Variants in C5orf34 observed in about 807,000 individuals in gnomAD.
The protein encoded by C5orf34 is uncharacterized protein C5orf34.
Under a neutral mutation model 78.4 loss-of-function variants are expected in C5orf34, and 73 were observed. The ratio of observed to expected loss-of-function variants is 0.93; its 90% confidence interval spans 0.77 to 1.13. The LOEUF is 1.13. C5orf34 is among the 50% of genes most tolerant of loss of function. The pLI, the probability that C5orf34 is intolerant of heterozygous loss-of-function variation, is 0.00. For missense variants in C5orf34, 730 were observed against 732.7 expected, an observed-to-expected ratio of 1.00 and a Z score of 0.04; for synonymous variants, 251 against 246.6, an observed-to-expected ratio of 1.02 and a Z score of -0.17.
intron 4 of C5orf34, among the ~76,000 whole-genome samples, chr5:43,504,225 T>G (rs1745884227): frequency 6.6e-6 from 1 of 151,142 alleles, no homozygotes; most frequent in African/African-American, 2.4e-5. Flanking sequence ...AAGAATCGCT[T>G]GAACCCGGGA....
chr5:43,508,943 A>C (rs928551318), intron 2 of C5orf34, among the ~76,000 whole-genome samples: 2 of 152,144 alleles, frequency 1.3e-5, no homozygotes, highest in African/African-American at 2.4e-5. Flanking sequence ...AAAATTTAAA[A>C]ATTAGCCAGA....
At position 43,509,130 on chromosome 5, in the gene C5orf34, G is replaced by A; in HGVS notation, c.195+15C>T. ...TAAAAAACAAAAAAGTTGTTTACGTGATATCTTTACTTACTCTGTAAGTGC... is the reference window on the plus strand; with the variant it reads ...TAAAAAACAAAAAAGTTGTTTACGTAATATCTTTACTTACTCTGTAAGTGC... On this transcript the variant is annotated intron_variant, in intron 2 of 12. Transcript: ENST00000306862. The A allele has an allele frequency of 1.9e-6, 3 of 1,601,492 alleles. No homozygotes were observed. Among genetic ancestry groups the A allele is most frequent in the Non-Finnish European group, 2.6e-6 (3 of 1,174,182 alleles).
Position 43,486,966 on chromosome 5 carries a change from G to T in C5orf34, c.1866C>A (p.Thr622=). The change falls in exon 13 of 13, where the codon ACC becomes ACA. Residue 622 remains threonine, a synonymous_variant. Coordinates refer to ENST00000306862, the MANE Select transcript of C5orf34 (RefSeq NM_198566.4). The stretch of plus-strand genomic sequence containing the variant: ...AGTCAATATCGTGAAGGATTTCAGA[G>T]GTTTTTTTCAATGCTATTGATACTC... ...ENRVSIALKK[T]SEILHDIDCL... The T allele has an allele frequency of 6.4e-7, 1 of 1,563,888 alleles. No homozygotes were observed. Among genetic ancestry groups the T allele is most frequent in the Non-Finnish European group, 8.6e-7 (1 of 1,158,716 alleles).
At chr5:43,488,664 T>C (rs1288205633) in intron 11 of C5orf34, among the ~76,000 whole-genome samples, 1 of 152,110 alleles carries the variant, frequency 6.6e-6, no homozygotes, top group African/African-American at 2.4e-5. Context: ...TTAGCTCTTA[T>C]ACCATGTTCT....
At chr5:43,503,251 T>C (rs1393215991) in intron 5 of C5orf34, among the ~76,000 whole-genome samples, 1 of 152,190 alleles carries the variant, frequency 6.6e-6, no homozygotes, top group Non-Finnish European at 1.5e-5. Flanking sequence ...AATGAGTATT[T>C]GCTTTGTGAA....
Position 43,509,354 on chromosome 5 carries a change from A to G in C5orf34, c.-15T>C. On this transcript the variant is annotated 5_prime_UTR_variant, in exon 2 of 13. Transcript: ENST00000306862. ...TCAGCTGCCATTACAACGGCAGGAT[A>G]AGATATCTTCTAAGTCAAAGACTGA... 1 of 1,448,408 alleles carries G rather than the reference A, an allele frequency of 6.9e-7. No individual in the cohort carries two copies. The highest frequency in any genetic ancestry group is 9.1e-7 in the Non-Finnish European group (1 of 1,101,814). 89.7% of individuals were successfully genotyped at this position (1,448,408 alleles called of 1,614,324 possible).
chr5:43,508,131 T>C (rs1054403460), intron 3 of C5orf34, among the ~76,000 whole-genome samples: 23 of 152,174 alleles, frequency 1.5e-4, no homozygotes, highest in African/African-American at 5.1e-4. Flanking sequence ...CCTGTTTTGA[T>C]TGGATGGACA....
At chr5:43,494,690 AT>A in intron 6 of C5orf34, 89 bp from the exon 7 acceptor site, 2 of 657,928 alleles carry the variant, frequency 3.0e-6, no homozygotes, top group South Asian at 4.5e-5. Context: ...TGTTTTTACA[AT>A]AGTGACAAGA....
chr5:43,502,273 A>G (rs1467607912), intron 6 of C5orf34, 99 bp downstream of exon 6: 1 of 1,174,178 alleles, frequency 8.5e-7, no homozygotes, highest in Non-Finnish European at 1.2e-6. Flanking sequence ...AGTAGGAAGC[A>G]ATGTTATATA....
At chr5:43,509,410 TTC>T in intron 1 of C5orf34, 35 bp from the exon 2 acceptor site, 2 of 1,253,982 alleles carry the variant, frequency 1.6e-6, no homozygotes, top group Non-Finnish European at 2.2e-6. Context: ...GCATAAATAG[TTC>T]TCTTAATGTA....
At chr5:43,513,101 C>T (rs1344835204) in intron 1 of C5orf34, among the ~76,000 whole-genome samples, 1 of 152,028 alleles carries the variant, frequency 6.6e-6, no homozygotes, top group African/African-American at 2.4e-5. Context: ...TTTTTTTAAC[C>T]TTACCCCCTT....
chr5:43,493,542 C>A lies in C5orf34; in HGVS notation c.1314+1G>T, dbSNP rs750570388. On this transcript the variant is annotated splice_donor_variant, in intron 8 of 12. Coordinates refer to ENST00000306862, the MANE Select transcript of C5orf34 (RefSeq NM_198566.4). LOFTEE classifies it high-confidence loss of function. ...TTGCTTTTAAAATAATTTTAACATA[C>A]CATTTTCCAGCAGCATATACGATAG... The A allele has an allele frequency of 2.5e-5, 37 of 1,504,848 alleles. No individual in the cohort carries two copies. Among genetic ancestry groups the A allele is most frequent in the Non-Finnish European group, 3.3e-5 (36 of 1,093,730 alleles). 93.2% of individuals were successfully genotyped at this position (1,504,848 alleles called of 1,614,324 possible). A position where few individuals can be genotyped will look rare whatever the true frequency, so the allele number is the denominator to read the frequency against.
In C5orf34 at chr5:43,503,748, A is replaced by G. The variant is rs766376681; in HGVS notation, c.945T>C (p.Cys315=). The change falls in exon 5 of 13, where the codon TGT becomes TGC. Residue 315 remains cysteine (C), a synonymous_variant. Transcript: ENST00000306862. ...PVPHLHRWNF[C]DSLLQRQSDE... ...CAGATTGTCTCTGTAAAAGTGAATC[A>G]CAAAAATTCCACCTGTGAAGGATAA... is the stretch of plus-strand genomic sequence containing the variant. 1.9e-6 allele frequency: 3 copies of G among 1,610,964 alleles called. No individual in the cohort carries two copies. The highest frequency in any genetic ancestry group is 1.3e-5 in the African/African-American group (1 of 74,870).
Position 43,486,974 on chromosome 5 carries a change from T to C in C5orf34, c.1858A>G (p.Lys620Glu), listed in dbSNP as rs747581523. Residue 620 changes from lysine to glutamate, a missense_variant, in exon 13 of 13, where the codon AAA becomes GAA. Coordinates refer to ENST00000306862, the MANE Select transcript of C5orf34 (RefSeq NM_198566.4). ...TCGTGAAGGATTTCAGAGGTTTTTT[T>C]CAATGCTATTGATACTCTATTTTCA... ...VNENRVSIAL[K>E]KTSEILHDID... 6.4e-6 allele frequency: 10 copies of C among 1,571,146 alleles called. No homozygotes were observed. The highest frequency in any genetic ancestry group is 1.7e-4 in the Middle Eastern group (1 of 5,908).
chr5:43,496,207 C>T, intron 6 of C5orf34: 1 of 1,561,606 alleles, frequency 6.4e-7, no homozygotes, highest in Non-Finnish European at 8.7e-7. Context: ...ATAGTACTTG[C>T]TGGTCTCAAA....
At chr5:43,507,127 G>A (rs1579877925) in intron 3 of C5orf34, among the ~76,000 whole-genome samples, 1 of 152,208 alleles carries the variant, frequency 6.6e-6, no homozygotes, top group East Asian at 1.9e-4. Context: ...GAGGCTTAGA[G>A]GAAACTTTAA....
At position 43,508,048 on chromosome 5, in the gene C5orf34, A is replaced by G. The variant is rs184496795; in HGVS notation, c.285+529T>C. Among the ~76,000 whole-genome samples the G allele has an allele frequency of 4.7e-3, 697 of 146,796 alleles. 5 individuals are homozygous for G. The highest frequency in any genetic ancestry group is 0.016 in the African/African-American group (627 of 39,788). On this transcript the variant is annotated intron_variant, in intron 3 of 12. Transcript: ENST00000306862. ...AGCCGAGATCGTGCCACTGCACTCC[A>G]GCCCTGGCGACAGTGTGAGACTCCG...
In C5orf34 at chr5:43,492,426, A is replaced by G. The variant is rs1745322528; in HGVS notation, c.1486-117T>C. On this transcript the variant is annotated intron_variant, in intron 9 of 12. Transcript: ENST00000306862. ...GTAGAGGAATCATTAAAGATGCAAC[A>G]GTTTAAATGTTGTTTACATGAGATA... is the stretch of plus-strand genomic sequence containing the variant. 5 of 699,184 alleles carry G rather than the reference A, an allele frequency of 7.2e-6. No individual in the cohort carries two copies. In the East Asian group the frequency reaches 1.3e-4, roughly 19 times the overall value. 43.3% of individuals were successfully genotyped at this position (699,184 alleles called of 1,614,324 possible).
chr5:43,513,751 G>A (rs1561220630), intron 1 of C5orf34, among the ~76,000 whole-genome samples: 1 of 152,136 alleles, frequency 6.6e-6, no homozygotes, highest in African/African-American at 2.4e-5. Flanking sequence ...TCATCATCAA[G>A]GTTTCAGCAC....
Sources: gnomAD v4.1 joint callset for allele counts (sites outside exome capture counted in the v4.1 genomes callset) on GRCh38, gnomAD v4.1.1 for gene constraint, MANE v1.5 for transcripts, NCBI Gene and HGNC (gene_info 2026-07-23, HGNC 2026-07-21) for gene names.